KCNJ3: variants seen among roughly 807,000 people sequenced by gnomAD.
The protein encoded by KCNJ3 is potassium inwardly rectifying channel subfamily J member 3, also known as G protein-activated inward rectifier potassium channel 1.
KCNJ3 carries 4 observed loss-of-function variants against 39.2 expected under a neutral mutation model. That is an observed-to-expected ratio of 0.10 (90% CI 0.05 to 0.23). The LOEUF is 0.23. Ranked by LOEUF, KCNJ3 falls within the 10% of genes least tolerant of loss-of-function variation. The pLI is 1.00. For synonymous variants in KCNJ3, 230 were observed against 237.4 expected (o/e 0.97, Z 0.29); for missense variants, 276 against 634.9 (o/e 0.43, Z 6.08).
Position 154,755,707 on chromosome 2 carries a change from G to A in KCNJ3, c.919+45888G>A, listed in dbSNP as rs1429030242. Among the ~76,000 whole-genome samples the A allele has an allele frequency of 2.6e-5, 4 of 151,652 alleles. No individual in the cohort carries two copies. In the East Asian group the frequency reaches 7.8e-4, roughly 29 times the overall value. ...TTTTCTTCTTTGCTTGAAATCGAAT[G>A]CAAACTAATATGTTCTTTATTGCTT... On this transcript the variant is annotated intron_variant, in intron 2 of 2. Transcript: ENST00000295101.
At chr2:154,701,812 C>T (rs1389351615) in intron 1 of KCNJ3, among the ~76,000 whole-genome samples, 1 of 152,014 alleles carries the variant, frequency 6.6e-6, no homozygotes, top group Non-Finnish European at 1.5e-5. Flanking sequence ...TGGTGAAATT[C>T]TCCCCATGGC....
chr2:154,795,712 G>A (rs1294152881), intron 2 of KCNJ3, among the ~76,000 whole-genome samples: 2 of 151,948 alleles, frequency 1.3e-5, no homozygotes, highest in Non-Finnish European at 2.9e-5. Flanking sequence ...TTTTTATTAG[G>A]TACACTGGAA....
chr2:154,843,680 A>G (rs905019353), intron 2 of KCNJ3, among the ~76,000 whole-genome samples: 3 of 152,048 alleles, frequency 2.0e-5, no homozygotes, highest in African/African-American at 7.2e-5. Flanking sequence ...ATTTTATTTC[A>G]TTGATTTGAT....
At chr2:154,814,289 T>C (rs1558880952) in intron 2 of KCNJ3, among the ~76,000 whole-genome samples, 1 of 152,218 alleles carries the variant, frequency 6.6e-6, no homozygotes, top group African/African-American at 2.4e-5. Flanking sequence ...TAGTGTCTAA[T>C]ATAACGTATA....
intron 2 of KCNJ3, among the ~76,000 whole-genome samples, chr2:154,776,908 GT>G (rs1333707830): frequency 6.7e-6 from 1 of 148,704 alleles, no homozygotes; most frequent in African/African-American, 2.5e-5. Context: ...CTTAAGAAGA[GT>G]GGAATTATGT....
chr2:154,718,300 G>C (rs1042919888), intron 2 of KCNJ3, among the ~76,000 whole-genome samples: 13 of 152,070 alleles, frequency 8.5e-5, no homozygotes, highest in Admixed American at 6.6e-5. Context: ...TTAATCTAAA[G>C]CAACTTTTTA....
chr2:154,797,343 T>C (rs1056103217), intron 2 of KCNJ3, among the ~76,000 whole-genome samples: 1 of 152,192 alleles, frequency 6.6e-6, no homozygotes, highest in Admixed American at 6.6e-5. Flanking sequence ...TATTTGATAC[T>C]ATGATACATG....
chr2:154,728,867 G>A (rs978157317), intron 2 of KCNJ3, among the ~76,000 whole-genome samples: 7 of 152,000 alleles, frequency 4.6e-5, no homozygotes, highest in African/African-American at 1.7e-4. Context: ...TTTTTTTAGT[G>A]GGAAAGGGAA....
At chr2:154,789,970 G>A (rs957086191) in intron 2 of KCNJ3, among the ~76,000 whole-genome samples, 2 of 152,046 alleles carry the variant, frequency 1.3e-5, no homozygotes, top group Non-Finnish European at 2.9e-5. Context: ...TATAATGCTT[G>A]AGGATTTCAC....
chr2:154,767,814 A>G (rs79849231), intron 2 of KCNJ3, among the ~76,000 whole-genome samples: 67,565 of 151,944 alleles, frequency 0.44, 15,140 homozygotes, highest in Non-Finnish European at 0.47. Context: ...CAGTGTATAA[A>G]TGTTCCTATT....
rs1687813062 is a variant in KCNJ3 at position 154,854,966 on chromosome 2, G to A, written c.1159G>A (p.Glu387Lys). Residue 387 changes from glutamate to lysine, a missense_variant, in exon 3 of 3, where the codon GAA (glutamate) becomes AAA (lysine). By Grantham distance (56) the Glu-to-Lys change is moderately conservative. This residue lies in a region of KCNJ3 where 126 missense variants were observed against 179.8 expected (regional missense o/e 0.70). Coordinates refer to ENST00000295101, the MANE Select transcript of KCNJ3 (RefSeq NM_002239.4). ...CAGCAAAGAAAGACATAATTCTGTGGAATGCTTAGATGGACTAGATGATAT... is the reference window on the plus strand; with the variant it reads ...CAGCAAAGAAAGACATAATTCTGTGAAATGCTTAGATGGACTAGATGATAT... ...TNSKERHNSV[E>K]CLDGLDDITT... 7 of 1,613,910 alleles carry A rather than the reference G, an allele frequency of 4.3e-6. No individual in the cohort carries two copies. The highest frequency in any genetic ancestry group is 5.9e-6 in the Non-Finnish European group (7 of 1,179,894).
chr2:154,706,060 T>C (rs1450310741), intron 1 of KCNJ3, among the ~76,000 whole-genome samples: 1 of 152,164 alleles, frequency 6.6e-6, no homozygotes, highest in Non-Finnish European at 1.5e-5. Context: ...TGATTCTAAA[T>C]AATTTTCTTA....
At chr2:154,724,148 G>A (rs1158056752) in intron 2 of KCNJ3, among the ~76,000 whole-genome samples, 1 of 152,074 alleles carries the variant, frequency 6.6e-6, no homozygotes, top group Non-Finnish European at 1.5e-5. Flanking sequence ...TATGCTTTGT[G>A]TGAAGATAAA....
chr2:154,757,854 G>T (rs1220552084), intron 2 of KCNJ3, among the ~76,000 whole-genome samples: 1 of 151,942 alleles, frequency 6.6e-6, no homozygotes, highest in Non-Finnish European at 1.5e-5. Context: ...CTTTTATAAG[G>T]GTACTAATCC....
intron 2 of KCNJ3, among the ~76,000 whole-genome samples, chr2:154,758,432 G>C (rs1685980439): frequency 6.6e-6 from 1 of 152,066 alleles, no homozygotes; most frequent in African/African-American, 2.4e-5. Context: ...TGTAGTATTT[G>C]CATATAACCT....
At chr2:154,729,381 G>A (rs541707775) in intron 2 of KCNJ3, among the ~76,000 whole-genome samples, 2 of 152,270 alleles carry the variant, frequency 1.3e-5, no homozygotes, top group South Asian at 4.1e-4. Context: ...GTCATAAAGT[G>A]ATAAGAGGAG....
At chr2:154,853,531 AATT>A (rs1214049042) in intron 2 of KCNJ3, among the ~76,000 whole-genome samples, 4 of 152,196 alleles carry the variant, frequency 2.6e-5, no homozygotes, top group African/African-American at 9.6e-5. Flanking sequence ...AATTACACTT[AATT>A]ATTGAGGGGA....
At chr2:154,731,767 T>G (rs1234142996) in intron 2 of KCNJ3, among the ~76,000 whole-genome samples, 1 of 151,842 alleles carries the variant, frequency 6.6e-6, no homozygotes, top group Admixed American at 6.6e-5. Context: ...AATAAAACAA[T>G]CTGATTCACT....
intron 2 of KCNJ3, among the ~76,000 whole-genome samples, chr2:154,763,536 G>T (rs755345569): frequency 6.6e-6 from 1 of 152,046 alleles, no homozygotes; most frequent in Non-Finnish European, 1.5e-5. Flanking sequence ...CTTTCTTTAT[G>T]AGAGAAAGAT....
Sources: gnomAD v4.1 joint callset for allele counts (sites outside exome capture counted in the v4.1 genomes callset) on GRCh38, gnomAD v4.1.1 for gene constraint, gnomAD v4.1.1 regional missense constraint, MANE v1.5 for transcripts, NCBI Gene and HGNC (gene_info 2026-07-23, HGNC 2026-07-21) for gene names.